The following LMOD3 variants were observed in gnomAD, a reference collection of about 807,000 sequenced individuals.
The protein encoded by LMOD3 is leiomodin-3.
Under a neutral mutation model 41.8 loss-of-function variants are expected in LMOD3, and 31 were observed. The observed-to-expected ratio is 0.74, with a 90% confidence interval of 0.56 to 1.00. The LOEUF (loss-of-function observed/expected upper bound fraction) is 1.00. Among genes scored for constraint, LMOD3 ranks in the 50% least tolerant of loss-of-function variants. The pLI, the probability that LMOD3 is intolerant of heterozygous loss-of-function variation, is 0.00. For synonymous variants in LMOD3, 292 were observed against 241.9 expected (o/e 1.21, Z -1.92); for missense variants, 755 against 679.5 (o/e 1.11, Z -1.23).
chr3:69,119,190 G>A lies in LMOD3; in HGVS notation c.1165C>T (p.Leu389=). The A allele has an allele frequency of 6.2e-7, 1 of 1,613,890 alleles. No homozygotes were observed. The highest frequency in any genetic ancestry group is 8.5e-7 in the Non-Finnish European group (1 of 1,179,866). ...TGTTTATCCTGATTCCTGGTGAGCA[G>A]ATTAGTGACCACCATTCTGGGACCC... ...LPGPRMVVTN[L]LTRNQDKQRQ... is the part of the protein sequence containing the mutation. Residue 389 remains leucine, a synonymous_variant, in exon 2 of 3, where the codon CTG becomes TTG. Coordinates refer to ENST00000420581, the MANE Select transcript of LMOD3 (RefSeq NM_198271.5).
At chr3:69,117,866 T>TCTGTCACCG (rs2092383371) in intron 2 of LMOD3, among the ~76,000 whole-genome samples, 1 of 149,700 alleles carries the variant, frequency 6.7e-6, no homozygotes, top group Non-Finnish European at 1.5e-5. Flanking sequence ...GGAGTCTCGC[T>TCTGTCACCG]CTGTCACCAG....
chr3:69,106,693 A>ATTTTT lies in LMOD3; in HGVS notation c.*2397_*2401dup, dbSNP rs373817195. Among the ~76,000 whole-genome samples the ATTTTT allele has an allele frequency of 7.7e-4, 106 of 137,704 alleles. 4 individuals carry two copies. The East Asian group carries it at 0.022, about 28-fold the overall frequency. 90.3% of individuals were successfully genotyped at this position (137,704 alleles called of 152,430 possible). Reference sequence around the variant, plus strand: ...AACAAATGCATAGGGGCTTTCTAGAATTTTTTTTTTTTTTTTGAGATGAGG... The same window carrying ATTTTT: ...AACAAATGCATAGGGGCTTTCTAGAATTTTTTTTTTTTTTTTTTTTTGAGATGAGG... On this transcript the variant is annotated 3_prime_UTR_variant, in exon 3 of 3. Coordinates refer to ENST00000420581, the MANE Select transcript of LMOD3 (RefSeq NM_198271.5).
At chr3:69,116,327 T>C (rs2092372896) in intron 2 of LMOD3, among the ~76,000 whole-genome samples, 1 of 152,182 alleles carries the variant, frequency 6.6e-6, no homozygotes, top group South Asian at 2.1e-4. Context: ...TGCAAACAGA[T>C]CTGTCACAGG....
intron 2 of LMOD3, among the ~76,000 whole-genome samples, chr3:69,112,040 C>T (rs2092352365): frequency 6.6e-6 from 1 of 152,118 alleles, no homozygotes; most frequent in South Asian, 2.1e-4. Context: ...TTCAAAGAGG[C>T]CATTTCTAAG....
rs10604147 is a variant in LMOD3 at position 69,115,483 on chromosome 3, AACACACACAC to A, written c.1656+3206_1656+3215del. 8.1e-3 allele frequency among the ~76,000 whole-genome samples: 1,178 copies of A among 145,010 alleles called. 7 individuals are homozygous for A. Among genetic ancestry groups the A allele is most frequent in the African/African-American group, 0.018 (704 of 39,376 alleles). On this transcript the variant is annotated intron_variant, in intron 2 of 2. Coordinates refer to ENST00000420581, the MANE Select transcript of LMOD3 (RefSeq NM_198271.5). Reference sequence around the variant, plus strand: ...GGTGATAGAGTGAGATCCTGCCTCAAACACACACACACACACACACACACACACACACACA... The same window carrying A: ...GGTGATAGAGTGAGATCCTGCCTCAAACACACACACACACACACACACACA...
intron 1 of LMOD3, among the ~76,000 whole-genome samples, chr3:69,120,303 G>GA (rs2092401313): frequency 6.6e-6 from 1 of 152,176 alleles, no homozygotes; most frequent in East Asian, 1.9e-4. Context: ...TTTAATTTCA[G>GA]AAGCAGTTAA....
chr3:69,109,789 A>T (rs1279846821), intron 2 of LMOD3, among the ~76,000 whole-genome samples: 2 of 152,018 alleles, frequency 1.3e-5, no homozygotes, highest in African/African-American at 4.8e-5. Context: ...TCGGACTCTC[A>T]AAGTGCTGAG....
chr3:69,120,350 TA>T (rs2092401598), intron 1 of LMOD3, among the ~76,000 whole-genome samples: 1 of 152,122 alleles, frequency 6.6e-6, no homozygotes, highest in South Asian at 2.1e-4. Context: ...TGTTCATCGA[TA>T]CACTGAAGCT....
At chr3:69,113,375 A>G (rs2092358012) in intron 2 of LMOD3, among the ~76,000 whole-genome samples, 1 of 152,186 alleles carries the variant, frequency 6.6e-6, no homozygotes, top group Non-Finnish European at 1.5e-5. Context: ...CCATTATGTG[A>G]TGAGAAAGAG....
At chr3:69,110,917 C>T (rs2092347539) in intron 2 of LMOD3, among the ~76,000 whole-genome samples, 1 of 132,978 alleles carries the variant, frequency 7.5e-6, no homozygotes, top group East Asian at 2.3e-4. Context: ...TATAAAACAA[C>T]AACAGAAGTC....
intron 2 of LMOD3, among the ~76,000 whole-genome samples, chr3:69,117,454 C>T (rs925190600): frequency 6.6e-6 from 1 of 152,146 alleles, no homozygotes; most frequent in Admixed American, 6.5e-5. Context: ...AACATAATCT[C>T]GTGGCTATAT....
intron 2 of LMOD3, among the ~76,000 whole-genome samples, chr3:69,117,788 T>C (rs1224767817): frequency 6.6e-6 from 1 of 152,074 alleles, no homozygotes; most frequent in African/African-American, 2.4e-5. Flanking sequence ...TCTATGCATT[T>C]TGGAAGCATT....
chr3:69,119,368 G>T lies in LMOD3; in HGVS notation c.987C>A (p.Ala329=), dbSNP rs1367220865. ...CATTAAACTGGAGACACCTCATGAT[G>T]GCCACAATCCCTTTACCTGTGATGA... The part of the protein sequence containing the change: ...SNFITGKGIV[A]IMRCLQFNET... Residue 329 remains alanine, a synonymous_variant, in exon 2 of 3, where the codon GCC becomes GCA. Transcript: ENST00000420581. 4.3e-6 allele frequency: 7 copies of T among 1,613,786 alleles called. No homozygotes were observed. The Admixed American group carries it at 1.2e-4, about 27-fold the overall frequency.
chr3:69,121,412 T>C (rs916873793), intron 1 of LMOD3, among the ~76,000 whole-genome samples: 2 of 150,406 alleles, frequency 1.3e-5, no homozygotes, highest in Admixed American at 1.3e-4. Context: ...TGTCCTCTTT[T>C]TGTTAAGTCA....
chr3:69,110,568 C>T lies in LMOD3; in HGVS notation c.1657-1447G>A, dbSNP rs535221911. On this transcript the variant is annotated intron_variant, in intron 2 of 2. Transcript: ENST00000420581. ...AAAAGAGTTTTATAACAAGGCTGGG[C>T]GCGGTGGCTGACGCCTGTAATTCCA... is the stretch of plus-strand genomic sequence containing the variant. 8.0e-5 allele frequency among the ~76,000 whole-genome samples: 12 copies of T among 149,522 alleles called. No homozygotes were observed. In the South Asian group the frequency reaches 2.4e-3, roughly 30 times the overall value.
chr3:69,110,962 T>C (rs908775035), intron 2 of LMOD3, among the ~76,000 whole-genome samples: 8 of 150,490 alleles, frequency 5.3e-5, no homozygotes, highest in African/African-American at 7.3e-5. Context: ...TTCTGCCTCA[T>C]AGGAAAACCT....
In LMOD3 at chr3:69,119,782, T is replaced by C. The variant is rs2092398131; in HGVS notation, c.573A>G (p.Val191=). 1.2e-6 allele frequency: 2 copies of C among 1,611,606 alleles called. No individual in the cohort carries two copies. Among genetic ancestry groups the C allele is most frequent in the Non-Finnish European group, 1.7e-6 (2 of 1,178,584 alleles). The change falls in exon 2 of 3, where the codon GTA becomes GTG. Residue 191 remains valine, a synonymous_variant. Transcript: ENST00000420581. ...TCTGTTCTTTGAATGCTTTGTCAGTTACCTGCTGGCAGTTGTTCTCACAAT... is the reference window on the plus strand; with the variant it reads ...TCTGTTCTTTGAATGCTTTGTCAGTCACCTGCTGGCAGTTGTTCTCACAAT... The part of the protein sequence containing the change: ...IRNCENNCQQ[V]TDKAFKEQRD...
In LMOD3 at chr3:69,118,860, T is replaced by C. The variant is rs762276958; in HGVS notation, c.1495A>G (p.Met499Val). 1.2e-6 allele frequency: 2 copies of C among 1,610,508 alleles called. No homozygotes were observed. Among genetic ancestry groups the C allele is most frequent in the Non-Finnish European group, 8.5e-7 (1 of 1,179,150 alleles). ...TCGGGTGGTTCTCTGGCTTCCGGCA[T>C]CCGAGATTTGCGCTGGATTCTCTTC... ...KLKRIQRKSR[M>V]PEAREPPEKT... is the part of the protein sequence containing the mutation. Residue 499 changes from methionine to valine, a missense_variant, in exon 2 of 3, where the codon ATG becomes GTG. Physicochemically the swap from Met to Val is conservative, Grantham distance 21. Coordinates refer to ENST00000420581, the MANE Select transcript of LMOD3 (RefSeq NM_198271.5).
intron 2 of LMOD3, among the ~76,000 whole-genome samples, chr3:69,113,293 A>G (rs1033983018): frequency 6.6e-6 from 1 of 152,192 alleles, no homozygotes; most frequent in African/African-American, 2.4e-5. Context: ...GAAAACCCTG[A>G]GTGATCTAAA....
Sources: gnomAD v4.1 joint callset for allele counts (sites outside exome capture counted in the v4.1 genomes callset) on GRCh38, gnomAD v4.1.1 for gene constraint, MANE v1.5 for transcripts, NCBI Gene and HGNC (gene_info 2026-07-23, HGNC 2026-07-21) for gene names.